The following EYS variants were observed in gnomAD, a reference collection of about 807,000 sequenced individuals.
EYS encodes the protein protein eyes shut homolog.
A neutral mutation model predicts 282.1 loss-of-function variants in EYS; 250 were observed. The observed-to-expected ratio is 0.89, with a 90% CI of 0.80 to 0.98. The LOEUF is 0.98. Among genes scored for constraint, EYS ranks in the 50% least tolerant of loss-of-function variants. The pLI is 0.00. For missense variants in EYS, 4,016 were observed against 3,709.0 expected (o/e 1.08, Z -2.15); for synonymous variants, 1,355 against 1,282.9 (o/e 1.06, Z -1.20).
intron 28 of EYS, among the ~76,000 whole-genome samples, chr6:64,395,532 A>G (rs2150432016): frequency 6.6e-6 from 1 of 152,046 alleles, no homozygotes; most frequent in Admixed American, 6.6e-5. Context: ...TATCGCAAGA[A>G]CAAAAAACCA....
intron 7 of EYS, among the ~76,000 whole-genome samples, chr6:65,401,697 T>C (rs2150363247): frequency 6.6e-6 from 1 of 152,030 alleles, no homozygotes; most frequent in East Asian, 1.9e-4. Flanking sequence ...TAAAGTATCA[T>C]ACAGTGTGAA....
In EYS at chr6:63,721,432, C is replaced by A; in HGVS notation, c.8599G>T (p.Gly2867Cys). 6.4e-7 allele frequency: 1 copy of A among 1,551,676 alleles called. No homozygotes were observed. The highest frequency in any genetic ancestry group is 8.7e-7 in the Non-Finnish European group (1 of 1,146,946). ...TCACAGTCACCTACATTTGAGCCACCTTTTGCTCCAAATTCAGTTAATTGT... is the reference window on the plus strand; with the variant it reads ...TCACAGTCACCTACATTTGAGCCACATTTTGCTCCAAATTCAGTTAATTGT... ...ELQLTEFGAK[G>C]GSNVGDCDGT... Residue 2867 changes from glycine to cysteine, a missense_variant, in exon 43 of 43, where the codon GGT (glycine) becomes TGT (cysteine). Coordinates refer to ENST00000503581, the MANE Select transcript of EYS (RefSeq NM_001142800.2).
intron 15 of EYS, among the ~76,000 whole-genome samples, chr6:64,926,623 G>A (rs1768525847): frequency 6.6e-6 from 1 of 152,130 alleles, no homozygotes; most frequent in African/African-American, 2.4e-5. Context: ...CACATGAGTT[G>A]TTACCTGCAT....
intron 36 of EYS, among the ~76,000 whole-genome samples, chr6:63,818,700 C>T (rs1771244926): frequency 6.6e-6 from 1 of 152,204 alleles, no homozygotes; most frequent in South Asian, 2.1e-4. Flanking sequence ...TCCTAATTGC[C>T]CTGGGACAGG....
intron 33 of EYS, among the ~76,000 whole-genome samples, chr6:64,020,991 G>A (rs1026320558): frequency 6.6e-6 from 1 of 151,910 alleles, no homozygotes; most frequent in African/African-American, 2.4e-5. Context: ...AAAATATTAG[G>A]GGAAGAACCA....
At chr6:64,105,188 C>T (rs761354555) in intron 31 of EYS, among the ~76,000 whole-genome samples, 3 of 151,912 alleles carry the variant, frequency 2.0e-5, no homozygotes, top group East Asian at 1.9e-4. Context: ...CTTTCCTACC[C>T]ACTCTATGGA....
intron 2 of EYS, among the ~76,000 whole-genome samples, chr6:65,596,538 G>T (rs551072497): frequency 2.7e-4 from 41 of 152,124 alleles, no homozygotes; most frequent in African/African-American, 9.1e-4. Flanking sequence ...ATCCTGAAAT[G>T]AAAGACAGGA....
In EYS at chr6:65,344,092, G is replaced by C. The variant is rs767589543; in HGVS notation, c.1545C>G (p.Asn515Lys). The C allele has an allele frequency of 6.2e-7, 1 of 1,610,404 alleles. No homozygotes were observed. Among genetic ancestry groups the C allele is most frequent in the East Asian group, 2.2e-5 (1 of 44,742 alleles). ...ATGAAGAATTATTATCTTCAGGATC[G>C]TTCACATAGGTTGCATCTTCAGTGC... The part of the protein sequence containing the change: ...ANCTEDATYV[N>K]DPEDNNSSCW... Residue 515 changes from asparagine (N) to lysine (K), a missense_variant, in exon 10 of 43, where the codon AAC becomes AAG. Coordinates refer to ENST00000503581, the MANE Select transcript of EYS (RefSeq NM_001142800.2).
chr6:64,411,338 T>C (rs530984742), intron 28 of EYS, among the ~76,000 whole-genome samples: 13 of 152,022 alleles, frequency 8.6e-5, no homozygotes, highest in African/African-American at 2.4e-4. Context: ...ACACAAATTA[T>C]TGAAATTAGG....
chr6:63,924,536 C>A (rs1301037014), intron 35 of EYS, among the ~76,000 whole-genome samples: 1 of 152,196 alleles, frequency 6.6e-6, no homozygotes, highest in African/African-American at 2.4e-5. Flanking sequence ...CTAACAATTA[C>A]TTAATGGTGA....
chr6:65,488,842 T>C (rs1182673973), intron 5 of EYS, among the ~76,000 whole-genome samples: 1 of 152,114 alleles, frequency 6.6e-6, no homozygotes, highest in Non-Finnish European at 1.5e-5. Context: ...CATCATCTGG[T>C]CTTCAACAAA....
intron 22 of EYS, among the ~76,000 whole-genome samples, chr6:64,647,376 A>G (rs1768392398): frequency 6.6e-6 from 1 of 152,222 alleles, no homozygotes; most frequent in African/African-American, 2.4e-5. Context: ...AGAGCTAGCT[A>G]TACTGAATTT....
At chr6:65,206,539 A>C (rs967086251) in intron 12 of EYS, among the ~76,000 whole-genome samples, 1 of 151,814 alleles carries the variant, frequency 6.6e-6, no homozygotes, top group Admixed American at 6.6e-5. Flanking sequence ...CTCTGAAACA[A>C]GTATCACTGT....
intron 29 of EYS, among the ~76,000 whole-genome samples, chr6:64,312,914 C>T (rs770858258): frequency 7.6e-6 from 1 of 132,060 alleles, no homozygotes; most frequent in Admixed American, 8.2e-5. Context: ...GATAAATCCA[C>T]GAAGATGGGG....
chr6:64,749,379 C>T (rs1397245153), intron 22 of EYS, among the ~76,000 whole-genome samples: 1 of 152,144 alleles, frequency 6.6e-6, no homozygotes, highest in African/African-American at 2.4e-5. Flanking sequence ...CTTCTAATAT[C>T]AAAGAACATG....
At chr6:65,687,849 A>C (rs1769088036) in intron 1 of EYS, among the ~76,000 whole-genome samples, 1 of 152,178 alleles carries the variant, frequency 6.6e-6, no homozygotes, top group Non-Finnish European at 1.5e-5. Context: ...CAAAGAGAAT[A>C]AAATACCTAG....
chr6:64,138,496 T>C (rs746292912), intron 31 of EYS, among the ~76,000 whole-genome samples: 4 of 152,020 alleles, frequency 2.6e-5, no homozygotes, highest in African/African-American at 7.3e-5. Context: ...AGAGGGCATA[T>C]AAAACAATAG....
At chr6:64,454,505 T>G (rs1339938474) in intron 26 of EYS, among the ~76,000 whole-genome samples, 1 of 152,158 alleles carries the variant, frequency 6.6e-6, no homozygotes, top group Non-Finnish European at 1.5e-5. Context: ...TTGAACAACA[T>G]GAGTTTGATC....
intron 5 of EYS, among the ~76,000 whole-genome samples, chr6:65,438,078 T>C (rs539608958): frequency 1.0e-3 from 151 of 147,044 alleles, no homozygotes; most frequent in African/African-American, 3.7e-3. Context: ...TATTGTTCAA[T>C]TCCCACCTAC....
Sources: allele counts gnomAD v4.1 joint callset (sites outside exome capture counted in the v4.1 genomes callset), GRCh38; gene constraint gnomAD v4.1.1; transcripts MANE v1.5; gene names NCBI Gene and HGNC (gene_info 2026-07-23, HGNC 2026-07-21).